Variants in NRXN1 observed in about 807,000 individuals in gnomAD.
NRXN1 encodes neurexin 1.
In NRXN1, 39 loss-of-function variants were observed where a neutral mutation model predicts 150.9. That is an observed-to-expected ratio of 0.26 (90% CI 0.20 to 0.34). The LOEUF is 0.34. NRXN1 is among the 10% of genes least tolerant of loss of function. The probability of loss-of-function intolerance (pLI) is 1.00; values close to 1 mark genes in which losing one functional copy is unlikely to be tolerated. For missense variants in NRXN1, 1,815 were observed against 1,949.9 expected, an observed-to-expected ratio of 0.93 and a Z score of 1.30; for synonymous variants, 924 against 757.0, an observed-to-expected ratio of 1.22 and a Z score of -3.62.
At chr2:50,763,354 G>C (rs941691141) in intron 5 of NRXN1, among the ~76,000 whole-genome samples, 1 of 151,732 alleles carries the variant, frequency 6.6e-6, no homozygotes, top group African/African-American at 2.4e-5. Context: ...ATTTATCTTG[G>C]CCTCAATTCC....
chr2:50,571,330 G>C (rs1286716787), intron 8 of NRXN1, among the ~76,000 whole-genome samples: 1 of 152,174 alleles, frequency 6.6e-6, no homozygotes, highest in Admixed American at 6.5e-5. Context: ...TCACGAGTTT[G>C]AAGAATTGTA....
At chr2:50,943,142 C>T (rs527902861) in intron 2 of NRXN1, among the ~76,000 whole-genome samples, 1 of 152,164 alleles carries the variant, frequency 6.6e-6, no homozygotes, top group South Asian at 2.1e-4. Context: ...GCCCTACTTC[C>T]CCTGCACCTT....
chr2:50,513,845 T>G (rs1355048954), intron 12 of NRXN1, among the ~76,000 whole-genome samples: 1 of 152,150 alleles, frequency 6.6e-6, no homozygotes, highest in African/African-American at 2.4e-5. Context: ...AGCAGTTATA[T>G]TTGGAGTTTT....
At chr2:50,760,070 C>T (rs976463794) in intron 5 of NRXN1, among the ~76,000 whole-genome samples, 1 of 151,844 alleles carries the variant, frequency 6.6e-6, no homozygotes, top group Non-Finnish European at 1.5e-5. Context: ...GGTGACTGCA[C>T]ATAGTTCATT....
intron 5 of NRXN1, among the ~76,000 whole-genome samples, chr2:50,860,527 G>A (rs1675979174): frequency 6.6e-6 from 1 of 152,100 alleles, no homozygotes; most frequent in Non-Finnish European, 1.5e-5. Context: ...ACATTGCAGA[G>A]GCACAGATCT....
chr2:50,112,789 A>T (rs531170125), intron 18 of NRXN1, among the ~76,000 whole-genome samples: 2 of 152,286 alleles, frequency 1.3e-5, no homozygotes, highest in African/African-American at 4.8e-5. Context: ...ACATAAGATT[A>T]AAAAAATAAA....
At chr2:50,578,692 AAC>A (rs1339209739) in intron 8 of NRXN1, among the ~76,000 whole-genome samples, 3 of 152,214 alleles carry the variant, frequency 2.0e-5, no homozygotes, top group Admixed American at 6.5e-5. Flanking sequence ...CCTCATTTTT[AAC>A]AGTGTATGTT....
chr2:50,799,607 A>G (rs944858267), intron 5 of NRXN1, among the ~76,000 whole-genome samples: 3 of 152,164 alleles, frequency 2.0e-5, no homozygotes, highest in African/African-American at 7.2e-5. Flanking sequence ...TCTGTTTCTC[A>G]CTTTCAGTAC....
chr2:50,997,184 T>C (rs1699427160), intron 2 of NRXN1, among the ~76,000 whole-genome samples: 1 of 151,922 alleles, frequency 6.6e-6, no homozygotes, highest in African/African-American at 2.4e-5. Flanking sequence ...AGTGTGTTTA[T>C]TATGTCTTGG....
At chr2:50,139,835 T>C (rs1222226755) in intron 18 of NRXN1, among the ~76,000 whole-genome samples, 2 of 152,184 alleles carry the variant, frequency 1.3e-5, no homozygotes, top group African/African-American at 4.8e-5. Flanking sequence ...GGAAAAAATA[T>C]GATAATTTAT....
intron 5 of NRXN1, among the ~76,000 whole-genome samples, chr2:50,644,187 T>C (rs1164506264): frequency 1.3e-5 from 2 of 151,824 alleles, no homozygotes; most frequent in East Asian, 3.9e-4. Flanking sequence ...TAAACAGCTA[T>C]ATTAACTTGA....
chr2:50,309,387 G>T (rs1452499070), intron 17 of NRXN1, among the ~76,000 whole-genome samples: 1 of 152,082 alleles, frequency 6.6e-6, no homozygotes, highest in African/African-American at 2.4e-5. Flanking sequence ...AATTGTGAAG[G>T]CCTTGGTCTC....
At chr2:51,008,013 T>C (rs1400467648) in intron 2 of NRXN1, among the ~76,000 whole-genome samples, 1 of 151,892 alleles carries the variant, frequency 6.6e-6, no homozygotes, top group East Asian at 1.9e-4. Context: ...AAAATAATAG[T>C]AGAAAACAAT....
At chr2:50,322,185 C>T (rs1335333596) in intron 17 of NRXN1, among the ~76,000 whole-genome samples, 8 of 152,098 alleles carry the variant, frequency 5.3e-5, no homozygotes, top group Admixed American at 4.6e-4. Context: ...ACAAGGACCA[C>T]GAAGGCCAAT....
chr2:50,338,661 C>A (rs2152990900), intron 17 of NRXN1, among the ~76,000 whole-genome samples: 1 of 150,966 alleles, frequency 6.6e-6, no homozygotes, highest in East Asian at 1.9e-4. Flanking sequence ...TCAGAAAAAC[C>A]ACATACTTCT....
chr2:50,506,280 G>A (rs550037209), intron 13 of NRXN1, among the ~76,000 whole-genome samples: 1 of 152,130 alleles, frequency 6.6e-6, no homozygotes, highest in Non-Finnish European at 1.5e-5. Context: ...CACTATTAAA[G>A]GGCCAAGAAT....
rs1257232783 is a variant in NRXN1, at chr2:50,623,589, T to G, written c.859A>C (p.Lys287Gln). The G allele has an allele frequency of 1.2e-6, 2 of 1,612,034 alleles. No homozygotes were observed. The highest frequency in any genetic ancestry group is 1.7e-6 in the Non-Finnish European group (2 of 1,178,608). Residue 287 changes from lysine to glutamine, a missense_variant, in exon 6 of 23, where the codon AAA becomes CAA. Physicochemically the swap from Lys to Gln is moderately conservative, Grantham distance 53 (BLOSUM62 1). Transcript: ENST00000401669. The part of the protein sequence containing the change: ...KGKEEYIATF[K>Q]GSEYFCYDLS... The stretch of plus-strand genomic sequence containing the variant: ...TCGTAGCAGAAGTATTCAGATCCTT[T>G]GAACGTGGCAATATATTCTTCTTTT...
At chr2:50,553,715 T>C (rs1208549340) in intron 8 of NRXN1, among the ~76,000 whole-genome samples, 1 of 152,256 alleles carries the variant, frequency 6.6e-6, no homozygotes, top group Middle Eastern at 3.2e-3. Flanking sequence ...CCTGTGTTAC[T>C]GGTGATCCAT....
chr2:50,595,118 T>A (rs1573706957), intron 8 of NRXN1, among the ~76,000 whole-genome samples: 1 of 151,682 alleles, frequency 6.6e-6, no homozygotes, highest in Admixed American at 6.6e-5. Flanking sequence ...TGTATTGTTA[T>A]GAGGACATGT....
Sources: allele counts gnomAD v4.1 joint callset (sites outside exome capture counted in the v4.1 genomes callset), GRCh38; gene constraint gnomAD v4.1.1; transcripts MANE v1.5; gene names NCBI Gene and HGNC (gene_info 2026-07-23, HGNC 2026-07-21).